The following COMMD1 variants were observed in gnomAD, a reference collection of about 807,000 sequenced individuals.
COMMD1 encodes copper metabolism domain containing 1.
COMMD1 carries 10 observed loss-of-function variants against 17.2 expected under a neutral mutation model. The observed-to-expected ratio is 0.58, with a 90% CI of 0.36 to 0.99. The LOEUF is 0.99. Among genes scored for constraint, COMMD1 ranks in the 50% least tolerant of loss-of-function variants. The pLI is 0.01. For synonymous variants in COMMD1, 97 were observed against 91.6 expected (o/e 1.06, Z -0.34); for missense variants, 270 against 231.8 (o/e 1.17, Z -1.07).
intron 2 of COMMD1, among the ~76,000 whole-genome samples, chr2:62,023,623 A>G (rs926734785): frequency 7.2e-5 from 11 of 152,112 alleles, no homozygotes; most frequent in Non-Finnish European, 1.2e-4. Flanking sequence ...AGCTGGGAGT[A>G]CAGGTGCACG....
Position 62,061,307 on chromosome 2 carries a change from T to C in COMMD1, c.462+60325T>C, listed in dbSNP as rs368973063. ...GAATGCTGCATTGTAGATATATGGA[T>C]TCTGTTATGATTCTCTGAGAAATGT... On this transcript the variant is annotated intron_variant, in intron 2 of 2. Coordinates refer to ENST00000311832, the MANE Select transcript of COMMD1 (RefSeq NM_152516.4). 2.6e-5 allele frequency among the ~76,000 whole-genome samples: 4 copies of C among 152,186 alleles called. No homozygotes were observed. In the East Asian group the frequency reaches 7.7e-4, roughly 29 times the overall value.
intron 2 of COMMD1, among the ~76,000 whole-genome samples, chr2:62,022,729 A>G (rs1360206276): frequency 2.0e-5 from 3 of 152,038 alleles, no homozygotes; most frequent in East Asian, 1.9e-4. Flanking sequence ...TGATAGATAA[A>G]TGTAGAAATT....
At chr2:61,989,543 A>G (rs1439467761) in intron 1 of COMMD1, among the ~76,000 whole-genome samples, 1 of 151,314 alleles carries the variant, frequency 6.6e-6, no homozygotes, top group Admixed American at 6.6e-5. Flanking sequence ...GCTCACTGCA[A>G]CCTCCACCTC....
intron 2 of COMMD1, among the ~76,000 whole-genome samples, chr2:62,019,763 G>A (rs1669561007): frequency 6.6e-6 from 1 of 152,160 alleles, no homozygotes; most frequent in Non-Finnish European, 1.5e-5. Flanking sequence ...TTTATCAGAT[G>A]TATCCACTGA....
At chr2:61,924,158 G>T (rs1256246927) in intron 1 of COMMD1, among the ~76,000 whole-genome samples, 1 of 152,138 alleles carries the variant, frequency 6.6e-6, no homozygotes, top group Non-Finnish European at 1.5e-5. Context: ...CAGTGTTTCA[G>T]GTGGGTTTAC....
At chr2:62,054,685 G>C (rs1188022233) in intron 2 of COMMD1, among the ~76,000 whole-genome samples, 1 of 152,128 alleles carries the variant, frequency 6.6e-6, no homozygotes, top group Non-Finnish European at 1.5e-5. Flanking sequence ...GAGGTGGATA[G>C]ATAATGGAGA....
rs143182829 is a variant in COMMD1, at chr2:62,111,418, G to A, written c.463-24413G>A. On this transcript the variant is annotated intron_variant, in intron 2 of 2. Transcript: ENST00000311832. ...GGTTTGATAAAGAATGGACAGTTGC[G>A]TAGAAGTGTACATGGGGTGTATTCT... Among the ~76,000 whole-genome samples the A allele has an allele frequency of 1.2e-3, 190 of 152,300 alleles. 2 individuals are homozygous for A. The East Asian group carries it at 0.03, about 24-fold the overall frequency.
intron 2 of COMMD1, among the ~76,000 whole-genome samples, chr2:62,011,906 A>G (rs1464641550): frequency 6.6e-6 from 1 of 152,192 alleles, no homozygotes; most frequent in African/African-American, 2.4e-5. Context: ...AAGTTGATAC[A>G]GGCAAGATGG....
chr2:61,963,321 G>C (rs958561131), intron 1 of COMMD1, among the ~76,000 whole-genome samples: 9 of 151,706 alleles, frequency 5.9e-5, no homozygotes, highest in South Asian at 4.2e-4. Flanking sequence ...AACCTGAGGG[G>C]GTAGTGGGAA....
At chr2:62,104,561 G>C (rs570114526) in intron 2 of COMMD1, among the ~76,000 whole-genome samples, 312 of 150,284 alleles carry the variant, frequency 2.1e-3, no homozygotes, top group Non-Finnish European at 3.2e-3. Flanking sequence ...TTGAAGCCAG[G>C]AGGCAGAGGC....
At chr2:62,063,868 A>AATAAATATATATATATATAT (rs1553385536) in intron 2 of COMMD1, among the ~76,000 whole-genome samples, 4 of 81,172 alleles carry the variant, frequency 4.9e-5, no homozygotes, top group African/African-American at 2.0e-4. Context: ...GTCTCTACAA[A>AATAAATATATATATATATAT]ATATATATAT....
At chr2:62,034,479 G>C (rs1009616462) in intron 2 of COMMD1, among the ~76,000 whole-genome samples, 2 of 152,188 alleles carry the variant, frequency 1.3e-5, no homozygotes, top group African/African-American at 4.8e-5. Flanking sequence ...GGGCGATAGA[G>C]TGAGACTCAG....
chr2:62,042,207 A>G (rs749907426), intron 2 of COMMD1, among the ~76,000 whole-genome samples: 54 of 152,134 alleles, frequency 3.5e-4, no homozygotes, highest in Admixed American at 3.3e-4. Flanking sequence ...GCTAGACACA[A>G]AAGTTCTCCA....
chr2:61,907,262 A>G (rs998477386), intron 1 of COMMD1, among the ~76,000 whole-genome samples: 1 of 152,136 alleles, frequency 6.6e-6, no homozygotes, highest in Non-Finnish European at 1.5e-5. Context: ...ATGCGCCACC[A>G]CACCCAGCTA....
chr2:62,104,017 T>G (rs1007308045), intron 2 of COMMD1, among the ~76,000 whole-genome samples: 1 of 152,128 alleles, frequency 6.6e-6, no homozygotes, highest in Non-Finnish European at 1.5e-5. Context: ...ATATTTGTAT[T>G]TTTTGTATAG....
At chr2:61,938,663 T>G (rs1351076668) in intron 1 of COMMD1, among the ~76,000 whole-genome samples, 3 of 152,202 alleles carry the variant, frequency 2.0e-5, no homozygotes, top group African/African-American at 7.2e-5. Context: ...AGTCAGATTC[T>G]TTCTTGTGGA....
intron 1 of COMMD1, among the ~76,000 whole-genome samples, chr2:61,952,463 G>C (rs552124422): frequency 1.4e-4 from 21 of 151,958 alleles, no homozygotes; most frequent in Non-Finnish European, 2.9e-4. Context: ...AAACTTTCTG[G>C]CAACCGACTG....
intron 2 of COMMD1, among the ~76,000 whole-genome samples, chr2:62,065,461 C>G (rs897024268): frequency 6.9e-6 from 1 of 143,986 alleles, no homozygotes; most frequent in Non-Finnish European, 1.5e-5. Context: ...GTGGCTGGAA[C>G]AACAGCCATG....
chr2:61,946,620 A>T (rs944882188), intron 1 of COMMD1, among the ~76,000 whole-genome samples: 1 of 152,178 alleles, frequency 6.6e-6, no homozygotes, highest in African/African-American at 2.4e-5. Context: ...TTACTACACT[A>T]TTACTATTTA....
Sources: allele counts gnomAD v4.1 joint callset (sites outside exome capture counted in the v4.1 genomes callset), GRCh38; gene constraint gnomAD v4.1.1; transcripts MANE v1.5; gene names NCBI Gene and HGNC (gene_info 2026-07-23, HGNC 2026-07-21).